The following SLC25A26 variants were observed in gnomAD, a reference collection of about 807,000 sequenced individuals.
The protein encoded by SLC25A26 is mitochondrial S-adenosylmethionine carrier protein.
SLC25A26 carries 36 observed loss-of-function variants against 37.8 expected under a neutral mutation model. The ratio of observed to expected loss-of-function variants is 0.95; its 90% CI spans 0.73 to 1.26. The LOEUF (loss-of-function observed/expected upper bound fraction) is 1.26, where lower values mean the gene tolerates loss of function less well. Ranked by LOEUF, SLC25A26 falls within the 50% of genes most tolerant of loss-of-function variation. SLC25A26 has a pLI of 0.00. For synonymous variants in SLC25A26, 129 were observed against 122.5 expected (o/e 1.05, Z -0.35); for missense variants, 390 against 331.1 (o/e 1.18, Z -1.38).
chr3:66,263,251 C>A, intron 4 of SLC25A26, 81 bp from the exon 5 acceptor site: 2 of 931,248 alleles, frequency 2.1e-6, no homozygotes, highest in Non-Finnish European at 3.5e-6. Flanking sequence ...CAAACAAGAG[C>A]AGGTAGATCT....
rs940035155 is a variant in SLC25A26, at chr3:66,369,627, A to G, written c.633+85A>G. The G allele has an allele frequency of 7.7e-6, 9 of 1,170,908 alleles. No homozygotes were observed. In the Admixed American group the frequency reaches 1.2e-4, roughly 16 times the overall value. The allele number at this position is 1,170,908 out of a possible 1,614,324, so 72.5% of individuals were successfully genotyped here. A position where few individuals can be genotyped will look rare whatever the true frequency, so the allele number is the denominator to read the frequency against. On this transcript the variant is annotated intron_variant, in intron 8 of 9. Coordinates refer to ENST00000354883, the MANE Select transcript of SLC25A26 (RefSeq NM_001379210.1). ...ACTACAGGTGTATAAAGTGAACACA[A>G]ATGGCTACCATTTACCTGTAATAGC...
chr3:66,207,539 A>G (rs2071196977), intron 1 of SLC25A26, among the ~76,000 whole-genome samples: 1 of 152,228 alleles, frequency 6.6e-6, no homozygotes, highest in Non-Finnish European at 1.5e-5. Context: ...AACATTGTAT[A>G]TAAATTTGGA....
In SLC25A26 at chr3:66,377,927, AC is replaced by A. The variant is rs1184447069; in HGVS notation, c.*122del. 5 of 753,490 alleles carry A rather than the reference AC, an allele frequency of 6.6e-6. No individual in the cohort carries two copies. In the African/African-American group the frequency reaches 6.9e-5, roughly 10 times the overall value. 46.7% of individuals were successfully genotyped at this position (753,490 alleles called of 1,614,324 possible). ...TGCTGAAGACCAGTTGTGCTAAGAT[AC>A]CGGCATGGAGATTGTGCCATCCGTG... On this transcript the variant is annotated 3_prime_UTR_variant, in exon 10 of 10. Transcript: ENST00000354883.
chr3:66,248,249 C>G (rs1394556274), intron 3 of SLC25A26, among the ~76,000 whole-genome samples: 2 of 152,158 alleles, frequency 1.3e-5, no homozygotes, highest in Non-Finnish European at 2.9e-5. Context: ...CTTATGTTTG[C>G]AATTTAGAAT....
chr3:66,314,147 A>C (rs2075463782), intron 5 of SLC25A26, among the ~76,000 whole-genome samples: 2 of 152,148 alleles, frequency 1.3e-5, no homozygotes, highest in Admixed American at 6.5e-5. Flanking sequence ...CAGAACTTCC[A>C]ATACTATGTT....
In SLC25A26 at chr3:66,138,116, G is replaced by A. The variant is rs567963869; in HGVS notation, c.-354+4132G>A. Reference sequence around the variant, plus strand: ...CCCAAAGTGCTGGGATTACAGGCATGAGCCACCATGATCGGCCCACATGAA... The same window carrying A: ...CCCAAAGTGCTGGGATTACAGGCATAAGCCACCATGATCGGCCCACATGAA... On this transcript the variant is annotated intron_variant, in intron 1 of 10. Transcript: ENST00000676754. 3.0e-4 allele frequency among the ~76,000 whole-genome samples: 45 copies of A among 152,310 alleles called. No individual in the cohort carries two copies. In the East Asian group the frequency reaches 4.6e-3, roughly 16 times the overall value.
At chr3:66,267,463 T>C (rs1054432312) in intron 5 of SLC25A26, among the ~76,000 whole-genome samples, 1 of 152,136 alleles carries the variant, frequency 6.6e-6, no homozygotes, top group Non-Finnish European at 1.5e-5. Flanking sequence ...TGCCAGGGAC[T>C]GGAGTGGAGA....
At chr3:66,249,235 A>G (rs756690501) in intron 3 of SLC25A26, among the ~76,000 whole-genome samples, 1 of 115,780 alleles carries the variant, frequency 8.6e-6, no homozygotes, top group African/African-American at 3.9e-5. Context: ...TCCAAGGCCC[A>G]TGCTGTCATA....
chr3:66,265,545 A>G (rs890764498), intron 5 of SLC25A26, among the ~76,000 whole-genome samples: 2 of 152,196 alleles, frequency 1.3e-5, no homozygotes, highest in Admixed American at 6.6e-5. Flanking sequence ...CTGAAACATA[A>G]TAGTTAAATA....
intron 5 of SLC25A26, among the ~76,000 whole-genome samples, chr3:66,286,009 C>G (rs1296219443): frequency 3.3e-5 from 5 of 152,140 alleles, no homozygotes; most frequent in Non-Finnish European, 5.9e-5. Context: ...ATCCTTGCAT[C>G]TTTTTATCGT....
At chr3:66,261,450 A>G (rs1314249338) in intron 3 of SLC25A26, 1 of 152,276 alleles carries the variant, frequency 6.6e-6, no homozygotes, top group Non-Finnish European at 1.5e-5. Flanking sequence ...CGGCCTCAGC[A>G]TGTCACCAAG....
chr3:66,324,961 C>A (rs940635899), intron 5 of SLC25A26, among the ~76,000 whole-genome samples: 6 of 151,978 alleles, frequency 3.9e-5, no homozygotes, highest in African/African-American at 4.8e-5. Flanking sequence ...TATATATGTA[C>A]CCAGGAATTC....
intron 5 of SLC25A26, among the ~76,000 whole-genome samples, chr3:66,272,971 A>G (rs546267652): frequency 8.6e-4 from 131 of 152,260 alleles, no homozygotes; most frequent in African/African-American, 1.2e-3. Flanking sequence ...AGTCCCATCA[A>G]TACCTAATTT....
chr3:66,341,567 T>G (rs2076210060), intron 5 of SLC25A26, among the ~76,000 whole-genome samples: 1 of 152,194 alleles, frequency 6.6e-6, no homozygotes, highest in African/African-American at 2.4e-5. Context: ...TTGGAGATAC[T>G]CCTAATGCCC....
At chr3:66,371,314 CATCCTGATGCCGAGTTGG>C (rs768393442) in intron 9 of SLC25A26, 184 of 1,549,962 alleles carry the variant, frequency 1.2e-4, no homozygotes, top group Non-Finnish European at 1.6e-4. Context: ...GCCACCTCCT[CATCCTGATGCCGAGTTGG>C]ATCACTTATG....
intron 1 of SLC25A26, among the ~76,000 whole-genome samples, chr3:66,154,635 C>T (rs1389797456): frequency 6.6e-6 from 1 of 150,798 alleles, no homozygotes; most frequent in Non-Finnish European, 1.5e-5. Flanking sequence ...ACTACCCACA[C>T]CATGCCTAGT....
rs1181124196 is a variant in SLC25A26 at position 66,147,911 on chromosome 3, A to G, written c.-354+13927A>G. Among the ~76,000 whole-genome samples the G allele has an allele frequency of 2.0e-5, 3 of 152,080 alleles. No individual in the cohort carries two copies. In the East Asian group the frequency reaches 5.8e-4, roughly 29 times the overall value. On this transcript the variant is annotated intron_variant, in intron 1 of 10. Transcript: ENST00000676754. ...GTAGCTGGGATTACAGGCGTGTACCACCATGCCCAGCTAATTTTTGTATTT... is the reference window on the plus strand; with the variant it reads ...GTAGCTGGGATTACAGGCGTGTACCGCCATGCCCAGCTAATTTTTGTATTT...
At chr3:66,309,574 C>T (rs1009585481) in intron 5 of SLC25A26, among the ~76,000 whole-genome samples, 1 of 152,042 alleles carries the variant, frequency 6.6e-6, no homozygotes, top group African/African-American at 2.4e-5. Flanking sequence ...TCTTACTTCT[C>T]TAGTTCTTTT....
chr3:66,360,590 G>A (rs1234721237), intron 6 of SLC25A26, among the ~76,000 whole-genome samples: 2 of 152,202 alleles, frequency 1.3e-5, no homozygotes, highest in Non-Finnish European at 2.9e-5. Flanking sequence ...TTGATAACCA[G>A]TTTCAGTTTC....
Sources: allele counts gnomAD v4.1 joint callset (sites outside exome capture counted in the v4.1 genomes callset), GRCh38; gene constraint gnomAD v4.1.1; transcripts MANE v1.5; gene names NCBI Gene and HGNC (gene_info 2026-07-23, HGNC 2026-07-21).